Variants in DCAF16 observed in about 807,000 individuals in gnomAD.
DCAF16 encodes the protein DDB1- and CUL4-associated factor 16.
In DCAF16, 10 loss-of-function variants were observed where a neutral mutation model predicts 17.3. That is an observed-to-expected ratio of 0.58 (90% CI 0.36 to 0.98). The LOEUF (loss-of-function observed/expected upper bound fraction) is 0.98, where lower values mean the gene tolerates loss of function less well. Among genes scored for constraint, DCAF16 ranks in the 50% least tolerant of loss-of-function variants. DCAF16 has a pLI of 0.01. For synonymous variants in DCAF16, 111 were observed against 92.8 expected (o/e 1.20, Z -1.12); for missense variants, 249 against 247.6 (o/e 1.01, Z -0.04).
chr4:17,798,946 T>C (rs1451840506), downstream of DCAF16, among the ~76,000 whole-genome samples: 1 of 152,166 alleles, frequency 6.6e-6, no homozygotes, highest in Non-Finnish European at 1.5e-5. Flanking sequence ...CTAATGTAAC[T>C]CCCTCAGTCC....
chr4:17,798,592 T>C (rs1032297638), downstream of DCAF16, among the ~76,000 whole-genome samples: 2 of 151,646 alleles, frequency 1.3e-5, no homozygotes, highest in Non-Finnish European at 2.9e-5. Flanking sequence ...AAACCCTGTG[T>C]CAAAAAAATA....
At chr4:17,797,021 GGCAT>G (rs375166386), downstream of DCAF16, among the ~76,000 whole-genome samples, 156 of 152,152 alleles carry the variant, frequency 1.0e-3, 4 homozygotes, top group South Asian at 0.032. Flanking sequence ...GGAGTGCAGT[GGCAT>G]GACCATAACC....
chr4:17,799,995 A>G (rs1404908702), downstream of DCAF16, among the ~76,000 whole-genome samples: 1 of 152,054 alleles, frequency 6.6e-6, no homozygotes, highest in African/African-American at 2.4e-5. Context: ...TAAAAATACA[A>G]AATTAGCTGG....
Position 17,803,778 on chromosome 4 carries a change from GGACT to G in DCAF16, c.360_363del (p.Val121HisfsTer20), listed in dbSNP as rs1195554704. On this transcript the variant is annotated frameshift_variant, in exon 3 of 3. Transcript: ENST00000382247. LOFTEE classifies it high-confidence loss of function. Reference sequence around the variant, plus strand: ...CTTGTAAGAGGCTTTTGAAAAGGTGGGACTCCACAAGAGGCCAGAGGGGGCCATT... The same window carrying G: ...CTTGTAAGAGGCTTTTGAAAAGGTGGCCACAAGAGGCCAGAGGGGGCCATT... 5.6e-6 allele frequency: 9 copies of G among 1,614,110 alleles called. No individual in the cohort carries two copies. The South Asian group carries it at 8.8e-5, about 16-fold the overall frequency.
intron 2 of DCAF16, 127 bp downstream of exon 2, chr4:17,804,977 TTTG>T (rs1404828453): frequency 6.6e-6 from 1 of 152,302 alleles, no homozygotes; most frequent in Non-Finnish European, 1.5e-5. Context: ...ATTTTAATTC[TTTG>T]TTGGTACATA....
chr4:17,803,902 C>A lies in DCAF16; in HGVS notation c.240G>T (p.Leu80=). The change falls in exon 3 of 3, where the codon CTG becomes CTT. Residue 80 remains leucine, a synonymous_variant. Coordinates refer to ENST00000382247, the MANE Select transcript of DCAF16 (RefSeq NM_017741.4). ...NPNSWLYHAK[L]LDPSTPVHIL... ...TATGGACTGGTGTGCTTGGATCCAA[C>A]AGTTTAGCATGATACAACCAGGAAT... is the stretch of plus-strand genomic sequence containing the variant. The A allele has an allele frequency of 1.2e-6, 2 of 1,614,100 alleles. No homozygotes were observed. The highest frequency in any genetic ancestry group is 8.5e-7 in the Non-Finnish European group (1 of 1,180,030).
intron 1 of DCAF16, among the ~76,000 whole-genome samples, chr4:17,808,660 C>T (rs1413570476): frequency 6.6e-6 from 1 of 151,920 alleles, no homozygotes; most frequent in African/African-American, 2.4e-5. Context: ...CCTCTGGCGG[C>T]CAGATGTCTC....
In DCAF16 at chr4:17,803,775, G is replaced by A. The variant is rs919873362; in HGVS notation, c.367C>T (p.Pro123Ser). The A allele has an allele frequency of 1.2e-6, 2 of 1,614,170 alleles. No homozygotes were observed. Among genetic ancestry groups the A allele is most frequent in the Non-Finnish European group, 1.7e-6 (2 of 1,180,028 alleles). ...WPPLASCGVP[P>S]FQKPLTSPSR... ...GGACTTGTAAGAGGCTTTTGAAAAG[G>A]TGGGACTCCACAAGAGGCCAGAGGG... is the stretch of plus-strand genomic sequence containing the variant. The change falls in exon 3 of 3, where the codon CCT (proline) becomes TCT (serine). Residue 123 changes from proline to serine, a missense_variant. Coordinates refer to ENST00000382247, the MANE Select transcript of DCAF16 (RefSeq NM_017741.4).
rs1199881166 is a variant in DCAF16, at chr4:17,805,207, A to G, written c.-731T>C. 1 of 150,946 alleles carries G rather than the reference A, an allele frequency of 6.6e-6. No homozygotes were observed. The highest frequency in any genetic ancestry group is 2.4e-5 in the African/African-American group (1 of 40,914). 9.4% of individuals were successfully genotyped at this position (150,946 alleles called of 1,614,324 possible). A position where few individuals can be genotyped will look rare whatever the true frequency, so the allele number is the denominator to read the frequency against. On this transcript the variant is annotated 5_prime_UTR_variant, in exon 2 of 3. Coordinates refer to ENST00000382247, the MANE Select transcript of DCAF16 (RefSeq NM_017741.4). Reference sequence around the variant, plus strand: ...CTGGGACCTCAGAAGTTGTGATCCTATCACCAATTCTATATAAGCTGTTCC... The same window carrying G: ...CTGGGACCTCAGAAGTTGTGATCCTGTCACCAATTCTATATAAGCTGTTCC...
chr4:17,797,367 C>T (rs1356706349), downstream of DCAF16, among the ~76,000 whole-genome samples: 2 of 152,106 alleles, frequency 1.3e-5, no homozygotes, highest in East Asian at 3.8e-4. Flanking sequence ...TTCGGGTGTC[C>T]TGTATTTCTT....
Position 17,810,453 on chromosome 4 carries a change from T to G in DCAF16, c.-756A>C, listed in dbSNP as rs541151010. 6.6e-6 allele frequency: 1 copy of G among 152,458 alleles called. No individual in the cohort carries two copies. Among genetic ancestry groups the G allele is most frequent in the East Asian group, 1.9e-4 (1 of 5,166 alleles). The allele number at this position is 152,458 out of a possible 1,614,324, so 9.4% of individuals were successfully genotyped here. A position where few individuals can be genotyped will look rare whatever the true frequency, so the allele number is the denominator to read the frequency against. On this transcript the variant is annotated 5_prime_UTR_variant, in exon 1 of 3. Transcript: ENST00000382247. ...AGCATCCGTCTCCACTAACCTCGGG[T>G]CGCCCCGCTCAGCGGACCCAGCAGC...
chr4:17,793,449 T>A, the DCAF16 span, among the ~76,000 whole-genome samples: 1 of 152,192 alleles, frequency 6.6e-6, no homozygotes, highest in South Asian at 2.1e-4. Flanking sequence ...ACACACAGAA[T>A]GTTTATTATA....
At chr4:17,798,860 ATTAT>A (rs750349403), downstream of DCAF16, among the ~76,000 whole-genome samples, 15 of 152,208 alleles carry the variant, frequency 9.9e-5, no homozygotes, top group Non-Finnish European at 1.8e-4. Context: ...TGTATTTAAA[ATTAT>A]TTGAGACACA....
chr4:17,798,373 T>C (rs1719527495), downstream of DCAF16, among the ~76,000 whole-genome samples: 2 of 149,488 alleles, frequency 1.3e-5, no homozygotes, highest in Admixed American at 6.8e-5. Context: ...GGGAGGCTGA[T>C]GTGGGAGGAT....
At chr4:17,800,144 CAAAAAA>C (rs971077538), downstream of DCAF16, among the ~76,000 whole-genome samples, 1 of 46,002 alleles carries the variant, frequency 2.2e-5, no homozygotes, top group African/African-American at 7.1e-5. Context: ...AACTCCATCT[CAAAAAA>C]AAAAAAAAAA....
downstream of DCAF16, among the ~76,000 whole-genome samples, chr4:17,798,309 CCTTT>C (rs1719522800): frequency 7.2e-6 from 1 of 139,474 alleles, no homozygotes. Flanking sequence ...CTGTTATTTT[CCTTT>C]TTTTTTTTTT....
chr4:17,798,136 T>G (rs1719511683), downstream of DCAF16, among the ~76,000 whole-genome samples: 1 of 152,138 alleles, frequency 6.6e-6, no homozygotes, highest in Non-Finnish European at 1.5e-5. Flanking sequence ...CTAACTCCCC[T>G]AATGATCCCA....
In DCAF16 at chr4:17,803,524, C is replaced by A; in HGVS notation, c.618G>T (p.Lys206Asn). ...ATGCAGTTAGGAGTTTGTTAACTGC[C>A]TTTTGGAAGTCAGTGTAAGAATAAG... Reference protein sequence around the residue: ...NTTYSYTDFQKAVNKLLTASL With the variant: ...NTTYSYTDFQNAVNKLLTASL The change falls in exon 3 of 3, where the codon AAG (lysine) becomes AAT (asparagine). Residue 206 changes from lysine to asparagine, a missense_variant. Lys to Asn is a moderately conservative substitution (Grantham distance 94, BLOSUM62 0). Coordinates refer to ENST00000382247, the MANE Select transcript of DCAF16 (RefSeq NM_017741.4). 2 of 1,614,114 alleles carry A rather than the reference C, an allele frequency of 1.2e-6. No individual in the cohort carries two copies. Among genetic ancestry groups the A allele is most frequent in the South Asian group, 2.2e-5 (2 of 91,078 alleles).
chr4:17,800,371 A>C (rs1006984816), downstream of DCAF16, among the ~76,000 whole-genome samples: 1 of 152,232 alleles, frequency 6.6e-6, no homozygotes, highest in African/African-American at 2.4e-5. Flanking sequence ...ATGCCACACA[A>C]AAAGTTAACT....
Sources: allele counts gnomAD v4.1 joint callset (sites outside exome capture counted in the v4.1 genomes callset), GRCh38; gene constraint gnomAD v4.1.1; transcripts MANE v1.5; gene names NCBI Gene and HGNC (gene_info 2026-07-23, HGNC 2026-07-21).